Variants in RASEF observed in about 807,000 individuals in gnomAD.
RASEF encodes the protein RAS and EF-hand domain containing.
A neutral mutation model predicts 90.1 loss-of-function variants in RASEF; 68 were observed. The observed-to-expected ratio is 0.75, with a 90% CI of 0.62 to 0.92. The LOEUF (loss-of-function observed/expected upper bound fraction) is 0.92. Ranked by LOEUF, RASEF falls within the 40% of genes least tolerant of loss-of-function variation. RASEF has a pLI of 0.00. For synonymous variants in RASEF, 331 were observed against 345.2 expected (o/e 0.96, Z 0.46); for missense variants, 949 against 937.2 (o/e 1.01, Z -0.16).
At chr9:82,997,941 A>G (rs960571446) in intron 13 of RASEF, among the ~76,000 whole-genome samples, 1 of 152,186 alleles carries the variant, frequency 6.6e-6, no homozygotes, top group South Asian at 2.1e-4. Flanking sequence ...AATGCAAGGT[A>G]AAGTGCCATC....
intron 3 of RASEF, among the ~76,000 whole-genome samples, chr9:83,020,792 T>A (rs371879583): frequency 6.6e-6 from 1 of 152,066 alleles, no homozygotes; most frequent in East Asian, 1.9e-4. Flanking sequence ...TGAGATATGA[T>A]GACAGAATAA....
the RASEF span, among the ~76,000 whole-genome samples, chr9:83,073,432 T>G: frequency 1.3e-4 from 19 of 151,794 alleles, no homozygotes. Flanking sequence ...GCACTACTGC[T>G]TATCTTTCTT....
At chr9:83,171,439 C>T in the RASEF span, among the ~76,000 whole-genome samples, 2 of 151,720 alleles carry the variant, frequency 1.3e-5, no homozygotes, top group Non-Finnish European at 3.0e-5. Flanking sequence ...GAATGATGCT[C>T]ACCTCACAAA....
At chr9:83,064,079 CTT>C (rs747487604), upstream of RASEF, among the ~76,000 whole-genome samples, 1 of 152,150 alleles carries the variant, frequency 6.6e-6, no homozygotes, top group Non-Finnish European at 1.5e-5. Flanking sequence ...TCTGGATTCT[CTT>C]TATCGTTTAT....
Position 82,980,673 on chromosome 9 carries a change from A to G in RASEF, c.*2004T>C, listed in dbSNP as rs1024631970. 6.6e-6 allele frequency: 1 copy of G among 152,252 alleles called. No individual in the cohort carries two copies. The highest frequency in any genetic ancestry group is 1.5e-5 in the Non-Finnish European group (1 of 68,042). 9.4% of individuals were successfully genotyped at this position (152,252 alleles called of 1,614,324 possible). The stretch of plus-strand genomic sequence containing the variant: ...ACCAAAACCTAAACATGTGTCCCAT[A>G]TATCAGCATCTACATATATCTGATC... On this transcript the variant is annotated 3_prime_UTR_variant, in exon 17 of 17. Transcript: ENST00000376447.
intron 16 of RASEF, among the ~76,000 whole-genome samples, chr9:82,987,247 CAT>C (rs1828725927): frequency 9.1e-6 from 1 of 109,358 alleles, no homozygotes; most frequent in South Asian, 3.2e-4. Context: ...TTAAGGTCTT[CAT>C]ATGTTTGCTT....
At chr9:83,088,758 T>G in the RASEF span, among the ~76,000 whole-genome samples, 1 of 152,042 alleles carries the variant, frequency 6.6e-6, no homozygotes, top group Admixed American at 6.6e-5. Context: ...TTTTGGTTAG[T>G]GTTTGCATGG....
the RASEF span, among the ~76,000 whole-genome samples, chr9:83,117,763 A>G: frequency 6.6e-6 from 1 of 152,200 alleles, no homozygotes; most frequent in Non-Finnish European, 1.5e-5. Flanking sequence ...CAGTCATTTA[A>G]TGATCTTTCC....
At chr9:83,134,051 A>G in the RASEF span, among the ~76,000 whole-genome samples, 1 of 152,188 alleles carries the variant, frequency 6.6e-6, no homozygotes, top group Non-Finnish European at 1.5e-5. Flanking sequence ...TTAACAATAT[A>G]GGTATGGGTA....
At chr9:83,060,612 T>C (rs1454814679) in intron 1 of RASEF, among the ~76,000 whole-genome samples, 2 of 152,138 alleles carry the variant, frequency 1.3e-5, no homozygotes, top group Non-Finnish European at 2.9e-5. Flanking sequence ...CAAAAAAGTG[T>C]TTAAATCACA....
chr9:83,070,742 T>C, the RASEF span, among the ~76,000 whole-genome samples: 37 of 152,310 alleles, frequency 2.4e-4, no homozygotes, highest in African/African-American at 8.4e-4. Flanking sequence ...CTTAATAATA[T>C]TGAATCTGCC....
intron 16 of RASEF, among the ~76,000 whole-genome samples, chr9:82,983,261 T>C (rs534217455): frequency 6.6e-6 from 1 of 152,262 alleles, no homozygotes; most frequent in African/African-American, 2.4e-5. Context: ...CTTCATGTAA[T>C]GGTTGCTGAG....
the RASEF span, among the ~76,000 whole-genome samples, chr9:83,209,149 C>A: frequency 2.6e-5 from 4 of 152,214 alleles, no homozygotes; most frequent in Non-Finnish European, 4.4e-5. Context: ...GCAGAGGTTT[C>A]TTTCCATTTG....
At chr9:83,184,774 A>G in the RASEF span, among the ~76,000 whole-genome samples, 1 of 152,346 alleles carries the variant, frequency 6.6e-6, no homozygotes, top group South Asian at 2.1e-4. Context: ...GATAAGGACC[A>G]TGTCACCCTG....
chr9:83,128,645 C>A, the RASEF span, among the ~76,000 whole-genome samples: 1 of 152,068 alleles, frequency 6.6e-6, no homozygotes, highest in East Asian at 1.9e-4. Context: ...TCTTCTCTGT[C>A]CTCTTCACCC....
At chr9:83,090,299 A>G in the RASEF span, among the ~76,000 whole-genome samples, 1 of 152,188 alleles carries the variant, frequency 6.6e-6, no homozygotes, top group African/African-American at 2.4e-5. Context: ...CATATTTAAA[A>G]TAGCTGATTT....
At chr9:83,188,974 A>G in the RASEF span, among the ~76,000 whole-genome samples, 13,610 of 152,182 alleles carry the variant, frequency 0.089, 1,053 homozygotes, top group African/African-American at 0.19. Flanking sequence ...TCCCCCAGCC[A>G]TAGCCCAGCC....
At chr9:83,168,074 A>G in the RASEF span, among the ~76,000 whole-genome samples, 2 of 152,132 alleles carry the variant, frequency 1.3e-5, no homozygotes, top group Admixed American at 1.3e-4. Context: ...TTTAAAGTTG[A>G]GGAACTGCCA....
the RASEF span, among the ~76,000 whole-genome samples, chr9:83,163,814 A>G: frequency 6.6e-6 from 1 of 152,134 alleles, no homozygotes; most frequent in Non-Finnish European, 1.5e-5. Context: ...TTAAACAATA[A>G]TGACTGAGAA....
Sources: allele counts gnomAD v4.1 joint callset (sites outside exome capture counted in the v4.1 genomes callset), GRCh38; gene constraint gnomAD v4.1.1; transcripts MANE v1.5; gene names NCBI Gene and HGNC (gene_info 2026-07-23, HGNC 2026-07-21).